The following ZNF451 variants were observed in gnomAD, a reference collection of about 807,000 sequenced individuals.
ZNF451 encodes E3 SUMO-protein ligase ZNF451.
A neutral mutation model predicts 107.1 loss-of-function variants in ZNF451; 80 were observed. The observed-to-expected ratio is 0.75, with a 90% confidence interval of 0.62 to 0.90. The LOEUF (loss-of-function observed/expected upper bound fraction) is 0.90. ZNF451 is among the 40% of genes least tolerant of loss of function. ZNF451 has a pLI of 0.00. For synonymous variants in ZNF451, 362 were observed against 406.5 expected (o/e 0.89, Z 1.32); for missense variants, 1,107 against 1,236.2 (o/e 0.90, Z 1.57).
At chr6:57,111,934 G>C (rs1327438907) in intron 3 of ZNF451, among the ~76,000 whole-genome samples, 1 of 152,134 alleles carries the variant, frequency 6.6e-6, no homozygotes, top group African/African-American at 2.4e-5. Flanking sequence ...GATGTTCTGT[G>C]TACTTTGTAT....
chr6:57,136,810 T>G (rs1446647853), intron 7 of ZNF451, among the ~76,000 whole-genome samples: 2 of 152,174 alleles, frequency 1.3e-5, no homozygotes, highest in Non-Finnish European at 2.9e-5. Context: ...ATTTCATTAA[T>G]TTGTTTTTTC....
rs1832306496 is a variant in ZNF451, at chr6:57,150,790, G to C, written c.2680G>C (p.Asp894His). 5.0e-6 allele frequency: 8 copies of C among 1,614,010 alleles called. No homozygotes were observed. Among genetic ancestry groups the C allele is most frequent in the Non-Finnish European group, 5.9e-6 (7 of 1,179,978 alleles). The change falls in exon 11 of 15, where the codon GAT becomes CAT. Residue 894 changes from aspartate to histidine, a missense_variant. Physicochemically the swap from Asp to His is moderately conservative, Grantham distance 81. This residue lies in a region of ZNF451 where 608 missense variants were observed against 649.2 expected (regional missense o/e 0.94). Coordinates refer to ENST00000370706, the MANE Select transcript of ZNF451 (RefSeq NM_001031623.3). ...GACTCATATAGTCTTTGTAGATTTT[G>C]ATAACTGGTCAAACTTTTTTGGTCA... ...TMTHIVFVDF[D>H]NWSNFFGHLP...
chr6:57,164,118 T>C (rs1345040678), intron 14 of ZNF451, among the ~76,000 whole-genome samples: 1 of 152,230 alleles, frequency 6.6e-6, no homozygotes, highest in East Asian at 1.9e-4. Flanking sequence ...TATCAAACTC[T>C]GACCACGCAG....
intron 3 of ZNF451, chr6:57,100,918 C>T (rs572341052): frequency 4.7e-5 from 73 of 1,550,842 alleles, no homozygotes; most frequent in South Asian, 4.2e-4. Context: ...AGAGAATTTA[C>T]GTATAGATTC....
At position 57,150,773 on chromosome 6, in the gene ZNF451, T is replaced by A; in HGVS notation, c.2663T>A (p.Ile888Lys). Residue 888 changes from isoleucine to lysine, a missense_variant, in exon 11 of 15, where the codon ATA (isoleucine) becomes AAA (lysine). This residue lies in a region of ZNF451 where 608 missense variants were observed against 649.2 expected (regional missense o/e 0.94). Transcript: ENST00000370706. Reference sequence around the variant, plus strand: ...GATTACCTGCGAACCATGACTCATATAGTCTTTGTAGATTTTGATAACTGG... The same window carrying A: ...GATTACCTGCGAACCATGACTCATAAAGTCTTTGTAGATTTTGATAACTGG... ...DLDYLRTMTH[I>K]VFVDFDNWSN... 6.2e-7 allele frequency: 1 copy of A among 1,614,010 alleles called. No individual in the cohort carries two copies. The highest frequency in any genetic ancestry group is 1.1e-5 in the South Asian group (1 of 91,056).
intron 3 of ZNF451, among the ~76,000 whole-genome samples, chr6:57,113,524 A>G (rs868109850): frequency 2.0e-5 from 3 of 152,018 alleles, no homozygotes; most frequent in African/African-American, 7.2e-5. Context: ...CAGAGGTTCA[A>G]CTTTTCGATG....
intron 3 of ZNF451, among the ~76,000 whole-genome samples, chr6:57,118,052 GT>G (rs1388036804): frequency 6.6e-6 from 1 of 152,118 alleles, no homozygotes; most frequent in African/African-American, 2.4e-5. Context: ...GTGACTTAAT[GT>G]TTGATTAGGA....
chr6:57,167,350 G>A (rs1193612745), intron 14 of ZNF451, among the ~76,000 whole-genome samples: 1 of 152,046 alleles, frequency 6.6e-6, no homozygotes, highest in Non-Finnish European at 1.5e-5. Context: ...ATTTATTCTT[G>A]CACTAGTAGC....
intron 14 of ZNF451, chr6:57,165,789 T>A (rs1330613759): frequency 6.6e-6 from 1 of 152,226 alleles, no homozygotes; most frequent in South Asian, 2.1e-4. Flanking sequence ...TATAGCATGT[T>A]ATTGTGCTGA....
chr6:57,111,972 G>A (rs764660675), intron 3 of ZNF451, among the ~76,000 whole-genome samples: 1 of 152,206 alleles, frequency 6.6e-6, no homozygotes, highest in Non-Finnish European at 1.5e-5. Context: ...GGGGTGGGAA[G>A]GAGATTGCTT....
intron 3 of ZNF451, chr6:57,115,480 G>T (rs1830324743): frequency 6.6e-6 from 1 of 152,172 alleles, no homozygotes. Flanking sequence ...CTTTCATGGA[G>T]ATGTTTCGTC....
intron 3 of ZNF451, among the ~76,000 whole-genome samples, chr6:57,100,201 T>C (rs1006568291): frequency 6.6e-6 from 1 of 152,226 alleles, no homozygotes; most frequent in Non-Finnish European, 1.5e-5. Flanking sequence ...TTAAGTTCTC[T>C]TTGCCATCAT....
In ZNF451 at chr6:57,105,199, A is replaced by C. The variant is rs528248353; in HGVS notation, c.186+6058A>C. On this transcript the variant is annotated intron_variant, in intron 3 of 14. Transcript: ENST00000370706. ...CAACCTCTAACGTTTAAATACCTCT[A>C]GGTTTTCTAGGAGGCCTTGGAATAG... The C allele has an allele frequency of 3.5e-4, 344 of 985,298 alleles. 1 individual carries two copies. The African/African-American group carries it at 5.6e-3, about 16-fold the overall frequency. The allele number at this position is 985,298 out of a possible 1,614,324, so 61.0% of individuals were successfully genotyped here. A position where few individuals can be genotyped will look rare whatever the true frequency, so the allele number is the denominator to read the frequency against.
intron 14 of ZNF451, among the ~76,000 whole-genome samples, chr6:57,167,247 C>T (rs1349708076): frequency 6.6e-6 from 1 of 152,102 alleles, no homozygotes; most frequent in African/African-American, 2.4e-5. Flanking sequence ...AAAGACCTTT[C>T]CCTGTCATTC....
chr6:57,151,381 A>G (rs1832341784), intron 11 of ZNF451: 1 of 151,278 alleles, frequency 6.6e-6, no homozygotes, highest in Non-Finnish European at 1.5e-5. Flanking sequence ...TAAAAAAAAA[A>G]AAAAAAAAAA....
At chr6:57,109,050 C>G in intron 3 of ZNF451, 1 of 985,378 alleles carries the variant, frequency 1.0e-6, no homozygotes, top group Non-Finnish European at 1.2e-6. Context: ...TCCTTTATGG[C>G]TTTACTGTCA....
intron 12 of ZNF451, among the ~76,000 whole-genome samples, 159 bp downstream of exon 12, chr6:57,152,510 C>T (rs1429475646): frequency 6.6e-6 from 1 of 152,192 alleles, no homozygotes; most frequent in Non-Finnish European, 1.5e-5. Context: ...ATTTTTATTG[C>T]TTTATCCTCA....
chr6:57,127,573 T>G (rs1051423344), intron 4 of ZNF451, among the ~76,000 whole-genome samples: 10 of 152,170 alleles, frequency 6.6e-5, no homozygotes, highest in African/African-American at 2.4e-4. Flanking sequence ...CCTTTTGAAG[T>G]ACATGTAAAT....
At chr6:57,117,032 T>G (rs1830406738) in intron 3 of ZNF451, 2 of 152,170 alleles carry the variant, frequency 1.3e-5, no homozygotes, top group African/African-American at 4.8e-5. Flanking sequence ...CATTAGGGCT[T>G]GTGGGTCTTT....
Sources: gnomAD v4.1 joint callset for allele counts (sites outside exome capture counted in the v4.1 genomes callset) on GRCh38, gnomAD v4.1.1 for gene constraint, gnomAD v4.1.1 regional missense constraint, MANE v1.5 for transcripts, NCBI Gene and HGNC (gene_info 2026-07-23, HGNC 2026-07-21) for gene names.